ROBO2: variants seen among roughly 807,000 people sequenced by gnomAD.
ROBO2 encodes the protein roundabout guidance receptor 2.
In ROBO2, 53 loss-of-function variants were observed where a neutral mutation model predicts 160.8. That is an observed-to-expected ratio of 0.33 (90% CI 0.26 to 0.41). ROBO2 has a LOEUF of 0.41. Among genes scored for constraint, ROBO2 ranks in the 10% least tolerant of loss-of-function variants. The pLI, the probability that ROBO2 is intolerant of heterozygous loss-of-function variation, is 1.00. For synonymous variants in ROBO2, 664 were observed against 611.7 expected (o/e 1.09, Z -1.26); for missense variants, 1,577 against 1,722.4 (o/e 0.92, Z 1.49).
chr3:77,434,871 T>C (rs7622084), intron 2 of ROBO2, among the ~76,000 whole-genome samples: 22,574 of 152,074 alleles, frequency 0.15, 2,155 homozygotes, highest in African/African-American at 0.26. Context: ...ATTTTTATTT[T>C]AATGCACTCG....
At chr3:77,150,706 G>T (rs768638421) in intron 2 of ROBO2, among the ~76,000 whole-genome samples, 5 of 150,640 alleles carry the variant, frequency 3.3e-5, no homozygotes, top group Non-Finnish European at 5.9e-5. Context: ...TTGCCTACAT[G>T]AATAAAATAT....
chr3:76,377,851 TG>T (rs1171488792), intron 2 of ROBO2, among the ~76,000 whole-genome samples: 1 of 152,124 alleles, frequency 6.6e-6, no homozygotes, highest in African/African-American at 2.4e-5. Context: ...TAACCAAACT[TG>T]GTGACATGTT....
intron 2 of ROBO2, among the ~76,000 whole-genome samples, chr3:76,792,873 T>G (rs1014845188): frequency 2.0e-5 from 3 of 151,822 alleles, no homozygotes; most frequent in Non-Finnish European, 2.9e-5. Flanking sequence ...TGCATGGCAC[T>G]CTCATATGTC....
chr3:76,462,226 C>T (rs532745789), intron 2 of ROBO2, among the ~76,000 whole-genome samples: 3 of 152,216 alleles, frequency 2.0e-5, no homozygotes, highest in South Asian at 2.1e-4. Context: ...TGCCAAATGT[C>T]GATTTTTCAT....
chr3:76,622,227 GAAGGAAGGAAGAAAGAAAGAAAGA>G lies in ROBO2; in HGVS notation c.110-475783_110-475760del, dbSNP rs1344399883. ...GGAAGGAAGGAAGGAAGGAAGGAAGGAAGGAAGGAAGAAAGAAAGAAAGAAAGAAAGAAAGAAAGAAAGAAAGAA... is the reference window on the plus strand; with the variant it reads ...GGAAGGAAGGAAGGAAGGAAGGAAGGAAGAAAGAAAGAAAGAAAGAAAGAA... On this transcript the variant is annotated intron_variant, in intron 2 of 26. Coordinates refer to the ROBO2 transcript ENST00000487694. Among the ~76,000 whole-genome samples, 197 of 27,436 alleles carry G rather than the reference GAAGGAAGGAAGAAAGAAAGAAAGA, an allele frequency of 7.2e-3. 1 individual carries two copies. Among genetic ancestry groups the G allele is most frequent in the South Asian group, 0.04 (13 of 322 alleles). The allele number at this position is 27,436 out of a possible 152,430, so 18.0% of individuals were successfully genotyped here.
intron 2 of ROBO2, among the ~76,000 whole-genome samples, chr3:77,330,096 T>C (rs1318504299): frequency 6.6e-6 from 1 of 152,198 alleles, no homozygotes; most frequent in African/African-American, 2.4e-5. Context: ...AAAGTCCAAA[T>C]GTAATATATA....
At chr3:76,726,232 G>T (rs966590919) in intron 2 of ROBO2, among the ~76,000 whole-genome samples, 1 of 152,044 alleles carries the variant, frequency 6.6e-6, no homozygotes, top group African/African-American at 2.4e-5. Context: ...ACTCATCTTT[G>T]AAGGCTGTCA....
chr3:76,131,313 T>C (rs2071212412), intron 2 of ROBO2, among the ~76,000 whole-genome samples: 1 of 152,158 alleles, frequency 6.6e-6, no homozygotes, highest in Non-Finnish European at 1.5e-5. Context: ...AGTTATAACT[T>C]GTTTTATAAT....
At chr3:76,147,458 A>G (rs1328977116) in intron 2 of ROBO2, among the ~76,000 whole-genome samples, 1 of 152,116 alleles carries the variant, frequency 6.6e-6, no homozygotes, top group East Asian at 1.9e-4. Flanking sequence ...CTTTATTTAT[A>G]AAGTGTAACT....
chr3:76,897,727 A>G (rs1171301613), intron 2 of ROBO2, among the ~76,000 whole-genome samples: 1 of 144,548 alleles, frequency 6.9e-6, no homozygotes, highest in Admixed American at 6.8e-5. Flanking sequence ...TTTTTTTTTG[A>G]AATTTTTTTA....
chr3:76,675,753 T>C (rs2092391731), intron 2 of ROBO2, among the ~76,000 whole-genome samples: 1 of 152,180 alleles, frequency 6.6e-6, no homozygotes, highest in Non-Finnish European at 1.5e-5. Context: ...AGACCTCCTC[T>C]TCTAAGTCTC....
At chr3:76,046,643 G>A (rs1428809463) in intron 2 of ROBO2, among the ~76,000 whole-genome samples, 7 of 151,934 alleles carry the variant, frequency 4.6e-5, no homozygotes, top group Non-Finnish European at 7.4e-5. Flanking sequence ...GCCAGACTCC[G>A]TCTCAAAAAA....
intron 2 of ROBO2, among the ~76,000 whole-genome samples, chr3:77,152,902 T>G (rs1482538300): frequency 2.0e-5 from 3 of 152,202 alleles, no homozygotes; most frequent in Non-Finnish European, 4.4e-5. Context: ...GAAGAAACAC[T>G]TCTACCCATG....
At chr3:77,261,239 T>C (rs2058752528) in intron 2 of ROBO2, among the ~76,000 whole-genome samples, 1 of 152,032 alleles carries the variant, frequency 6.6e-6, no homozygotes, top group South Asian at 2.1e-4. Flanking sequence ...TGGACCAAAA[T>C]GGCAAATGTG....
At chr3:76,749,575 G>T (rs1459099204) in intron 2 of ROBO2, among the ~76,000 whole-genome samples, 2 of 151,926 alleles carry the variant, frequency 1.3e-5, no homozygotes, top group African/African-American at 2.4e-5. Flanking sequence ...GGCCTTCCAG[G>T]AAGAAGCTTC....
chr3:75,927,697 T>G (rs1947342568), intron 1 of ROBO2, among the ~76,000 whole-genome samples: 2 of 152,208 alleles, frequency 1.3e-5, no homozygotes, highest in South Asian at 2.1e-4. Flanking sequence ...TCTTGTGGAA[T>G]TTCCCAAATG....
rs184157009 is a variant in ROBO2 at position 76,583,748 on chromosome 3, G to A, written c.110-514266G>A. ...TTGTCATGGTTTCCATTCCTGCTAC[G>A]TGCAAAATCGATGCCTTTAGCCCCA... is the stretch of plus-strand genomic sequence containing the variant. On this transcript the variant is annotated intron_variant, in intron 2 of 26. Coordinates refer to the ROBO2 transcript ENST00000487694. Among the ~76,000 whole-genome samples the A allele has an allele frequency of 8.6e-5, 13 of 152,014 alleles. No homozygotes were observed. The East Asian group carries it at 1.2e-3, about 14-fold the overall frequency.
At chr3:76,061,091 T>G (rs1406401378) in intron 2 of ROBO2, among the ~76,000 whole-genome samples, 2 of 152,224 alleles carry the variant, frequency 1.3e-5, no homozygotes, top group Non-Finnish European at 2.9e-5. Flanking sequence ...ATGTTATTCT[T>G]CTTTATAAAG....
At chr3:77,625,149 GAAAAGGCTAAA>G (rs2094984635) in intron 23 of ROBO2, among the ~76,000 whole-genome samples, 1 of 151,828 alleles carries the variant, frequency 6.6e-6, no homozygotes, top group Non-Finnish European at 1.5e-5. Flanking sequence ...TCTATGAGTG[GAAAAGGCTAAA>G]AAAAAGAAGA....
Sources: allele counts gnomAD v4.1 joint callset (sites outside exome capture counted in the v4.1 genomes callset), GRCh38; gene constraint gnomAD v4.1.1; transcripts MANE v1.5; gene names NCBI Gene and HGNC (gene_info 2026-07-23, HGNC 2026-07-21).